Variants in ARHGEF10 observed in about 807,000 individuals in gnomAD.
The protein encoded by ARHGEF10 is Rho guanine nucleotide exchange factor 10, also known as Rho guanine nucleotide exchange factor (GEF) 10.
ARHGEF10 carries 140 observed loss-of-function variants against 147.4 expected under a neutral mutation model. The ratio of observed to expected loss-of-function variants is 0.95; its 90% CI spans 0.83 to 1.09. The LOEUF (loss-of-function observed/expected upper bound fraction) is 1.09. Ranked by LOEUF, ARHGEF10 falls within the 50% of genes least tolerant of loss-of-function variation. ARHGEF10 has a pLI of 0.00. For synonymous variants in ARHGEF10, 902 were observed against 695.8 expected (o/e 1.30, Z -4.67); for missense variants, 2,222 against 1,752.7 (o/e 1.27, Z -4.78).
chr8:1,897,163 A>G (rs1028143980), intron 14 of ARHGEF10, among the ~76,000 whole-genome samples: 5 of 152,178 alleles, frequency 3.3e-5, no homozygotes, highest in Admixed American at 1.3e-4. Context: ...TGTTACTTGG[A>G]CTGTTTCTTG....
chr8:1,884,251 C>T (rs1238654631), intron 10 of ARHGEF10, among the ~76,000 whole-genome samples: 1 of 152,080 alleles, frequency 6.6e-6, no homozygotes, highest in Non-Finnish European at 1.5e-5. Context: ...AAAAAATTAG[C>T]TGGGCGTGGT....
chr8:1,949,491 A>T (rs2280823), intron 27 of ARHGEF10, among the ~76,000 whole-genome samples: 2 of 152,034 alleles, frequency 1.3e-5, no homozygotes, highest in African/African-American at 2.4e-5. Context: ...GAGCAGTTGC[A>T]GTAGGTTACA....
chr8:1,876,235 T>C, intron 7 of ARHGEF10: 1 of 359,746 alleles, frequency 2.8e-6, no homozygotes, highest in South Asian at 3.1e-5. Flanking sequence ...AAAGGAAGAT[T>C]TTTCTTCTTG....
At chr8:1,827,287 G>C (rs906994242) in intron 1 of ARHGEF10, among the ~76,000 whole-genome samples, 4 of 152,214 alleles carry the variant, frequency 2.6e-5, no homozygotes. Flanking sequence ...TTTTCTGTGA[G>C]TAGTTTTCCA....
rs1200163309 is a variant in ARHGEF10, at chr8:1,952,786, C to T, written c.3479C>T (p.Ala1160Val). The T allele has an allele frequency of 1.9e-6, 3 of 1,613,816 alleles. No homozygotes were observed. The highest frequency in any genetic ancestry group is 1.6e-4 in the Middle Eastern group (1 of 6,062). ...MVGTSLGVLVALPVPRLQGIP... is the reference protein window; with the variant it reads ...MVGTSLGVLVVLPVPRLQGIP... ...GGCACCAGCCTGGGAGTCCTCGTGG[C>T]CCTGCCGGTCCCACGTCTGCAAGGG... Residue 1160 changes from alanine (A) to valine (V), a missense_variant, in exon 28 of 29, where the codon GCC becomes GTC. By Grantham distance (64) the Ala-to-Val change is moderately conservative. Transcript: ENST00000349830.
chr8:1,925,469 G>A (rs188148123), intron 22 of ARHGEF10, 65 bp downstream of exon 22: 2 of 1,602,288 alleles, frequency 1.2e-6, no homozygotes, highest in Non-Finnish European at 1.7e-6. Context: ...TGGGCCACTT[G>A]GGAGATGATT....
At chr8:1,868,089 T>C (rs183416635) in intron 6 of ARHGEF10, among the ~76,000 whole-genome samples, 2 of 152,370 alleles carry the variant, frequency 1.3e-5, no homozygotes, top group Non-Finnish European at 2.9e-5. Context: ...ATATGATCTC[T>C]AAACTAGCAG....
At chr8:1,834,484 C>T (rs897329560) in intron 1 of ARHGEF10, among the ~76,000 whole-genome samples, 1 of 152,132 alleles carries the variant, frequency 6.6e-6, no homozygotes, top group African/African-American at 2.4e-5. Flanking sequence ...TCAGTCACAG[C>T]TGCGCTCTGA....
Position 1,905,573 on chromosome 8 carries a change from T to G in ARHGEF10, c.1824T>G (p.Leu608=), listed in dbSNP as rs1401024121. 1 of 1,614,234 alleles carries G rather than the reference T, an allele frequency of 6.2e-7. No homozygotes were observed. The highest frequency in any genetic ancestry group is 1.3e-5 in the African/African-American group (1 of 75,052). The change falls in exon 17 of 29, where the codon CTT becomes CTG. Residue 608 remains leucine, a splice_region_variant and synonymous_variant. Transcript: ENST00000349830. ...TGGGCTGTGTTTTGAATGTCCAGCT[T>G]CTCAGCAGTGGAAGCCGATACCTCA... is the stretch of plus-strand genomic sequence containing the variant. ...KAINERYLNK[L]LSSGSRYLIR...
intron 11 of ARHGEF10, among the ~76,000 whole-genome samples, chr8:1,890,452 A>G (rs1679782682): frequency 7.2e-6 from 1 of 138,140 alleles, no homozygotes; most frequent in Non-Finnish European, 1.5e-5. Context: ...GGAGACAGTG[A>G]GTGGGGTGAG....
At chr8:1,879,162 GC>G (rs1196415285) in intron 8 of ARHGEF10, among the ~76,000 whole-genome samples, 1 of 152,162 alleles carries the variant, frequency 6.6e-6, no homozygotes, top group Non-Finnish European at 1.5e-5. Context: ...CATGAGAAAT[GC>G]CCCGAGACGA....
At chr8:1,897,000 C>T (rs1327648151) in intron 14 of ARHGEF10, among the ~76,000 whole-genome samples, 1 of 152,014 alleles carries the variant, frequency 6.6e-6, no homozygotes, top group East Asian at 1.9e-4. Context: ...GGCAGGGCTT[C>T]CCCAGTCGTG....
At chr8:1,840,627 TTGGGGACTGTCCGACG>T (rs1803959165) in intron 1 of ARHGEF10, among the ~76,000 whole-genome samples, 1 of 135,390 alleles carries the variant, frequency 7.4e-6, no homozygotes, top group Admixed American at 7.1e-5. Context: ...GCTGTCTGGT[TTGGGGACTGTCCGACG>T]TGGGGACTGT....
In ARHGEF10 at chr8:1,851,054, C is replaced by T. The variant is rs372890037; in HGVS notation, c.38-6906C>T. On this transcript the variant is annotated intron_variant, in intron 2 of 28. Coordinates refer to ENST00000349830, the MANE Select transcript of ARHGEF10 (RefSeq NM_014629.4). The stretch of plus-strand genomic sequence containing the variant: ...GTTTGCGGGGGGGAGGGGTGACAGG[C>T]GGAGCACGGGATTTTTAGGGCCACG... Among the ~76,000 whole-genome samples the T allele has an allele frequency of 1.7e-4, 26 of 152,216 alleles. No individual in the cohort carries two copies. The East Asian group carries it at 2.9e-3, about 17-fold the overall frequency.
At chr8:1,898,283 G>A (rs1810174996) in intron 14 of ARHGEF10, 150 bp from the exon 15 acceptor site, 1 of 719,278 alleles carries the variant, frequency 1.4e-6, no homozygotes, top group African/African-American at 1.8e-5. Context: ...TGGCTGGAAG[G>A]TATTTGGCCA....
At chr8:1,832,763 GGC>G (rs1803254002) in intron 1 of ARHGEF10, among the ~76,000 whole-genome samples, 2 of 78,776 alleles carry the variant, frequency 2.5e-5, no homozygotes, top group African/African-American at 1.1e-4. Context: ...CAGAGACAGA[GGC>G]AGAGACAGAG....
rs1277637969 is a variant in ARHGEF10 at position 1,857,985 on chromosome 8, T to C, written c.63T>C (p.Asn21=). The part of the protein sequence containing the change: ...PAENEMKYDT[N]NNEEEEGEQF... ...AAAATGAAATGAAATATGATACCAA[T>C]AATAATGAAGAGGAAGAGGGAGAAC... The change falls in exon 3 of 29, where the codon AAT becomes AAC. Residue 21 remains asparagine (N), a synonymous_variant. Transcript: ENST00000349830. The C allele has an allele frequency of 1.2e-6, 2 of 1,613,988 alleles. No individual in the cohort carries two copies. Among genetic ancestry groups the C allele is most frequent in the Non-Finnish European group, 1.7e-6 (2 of 1,179,958 alleles).
At chr8:1,897,979 T>G (rs1810145340) in intron 14 of ARHGEF10, among the ~76,000 whole-genome samples, 1 of 151,982 alleles carries the variant, frequency 6.6e-6, no homozygotes, top group Non-Finnish European at 1.5e-5. Flanking sequence ...ACCTGGAGAC[T>G]CCCCCCAGGT....
intron 22 of ARHGEF10, among the ~76,000 whole-genome samples, 163 bp from the exon 23 acceptor site, chr8:1,926,214 A>G (rs1812679377): frequency 6.6e-6 from 1 of 152,210 alleles, no homozygotes; most frequent in African/African-American, 2.4e-5. Context: ...TGAGAGTTGT[A>G]CTTTTAAACT....
Sources: allele counts gnomAD v4.1 joint callset (sites outside exome capture counted in the v4.1 genomes callset), GRCh38; gene constraint gnomAD v4.1.1; transcripts MANE v1.5; gene names NCBI Gene and HGNC (gene_info 2026-07-23, HGNC 2026-07-21).